Variants in NXPE2 observed in about 807,000 individuals in gnomAD.
NXPE2 encodes the protein NXPE family member 2.
A neutral mutation model predicts 34.4 loss-of-function variants in NXPE2; 34 were observed. The ratio of observed to expected loss-of-function variants is 0.99; its 90% confidence interval spans 0.75 to 1.31. The LOEUF is 1.31. Among genes scored for constraint, NXPE2 ranks in the 40% most tolerant of loss-of-function variants. NXPE2 has a pLI of 0.00. For missense variants in NXPE2, 649 were observed against 672.5 expected (o/e 0.97, Z 0.39); for synonymous variants, 235 against 231.3 (o/e 1.02, Z -0.15).
At chr11:114,622,870 C>A in the NXPE2 span, among the ~76,000 whole-genome samples, 1 of 150,980 alleles carries the variant, frequency 6.6e-6, no homozygotes, top group East Asian at 2.0e-4. Flanking sequence ...CACTGTTAAC[C>A]AGTTGATAAT....
chr11:114,525,052 C>T, the NXPE2 span, among the ~76,000 whole-genome samples: 1 of 152,124 alleles, frequency 6.6e-6, no homozygotes, highest in East Asian at 1.9e-4. Context: ...TTGTCCTGTA[C>T]ATCCCATCTG....
chr11:114,747,077 A>G, the NXPE2 span, among the ~76,000 whole-genome samples: 40 of 152,100 alleles, frequency 2.6e-4, no homozygotes, highest in Admixed American at 6.6e-4. Context: ...TTTGATCTCT[A>G]ATCAGATACT....
chr11:114,496,994 A>G, the NXPE2 span, among the ~76,000 whole-genome samples: 1 of 152,206 alleles, frequency 6.6e-6, no homozygotes, highest in African/African-American at 2.4e-5. Flanking sequence ...TTATGTATTT[A>G]CTATATGATA....
chr11:114,671,444 A>G, the NXPE2 span, among the ~76,000 whole-genome samples: 1 of 152,082 alleles, frequency 6.6e-6, no homozygotes, highest in South Asian at 2.1e-4. Flanking sequence ...GATACTTAAT[A>G]AAGTACAAGT....
the NXPE2 span, among the ~76,000 whole-genome samples, chr11:114,736,167 T>G: frequency 6.6e-6 from 1 of 152,172 alleles, no homozygotes. Context: ...AAATTGCTAA[T>G]GAAGTTTTTG....
the NXPE2 span, among the ~76,000 whole-genome samples, chr11:114,569,395 A>G: frequency 6.6e-6 from 1 of 152,238 alleles, no homozygotes; most frequent in Non-Finnish European, 1.5e-5. Context: ...TCTACTTAAT[A>G]GCTTTCAGAC....
intron 2 of NXPE2, among the ~76,000 whole-genome samples, chr11:114,696,853 G>A (rs774725763): frequency 3.9e-5 from 6 of 152,072 alleles, no homozygotes; most frequent in Non-Finnish European, 8.8e-5. Flanking sequence ...AGACCCCAGT[G>A]GATGCCTGAA....
the NXPE2 span, among the ~76,000 whole-genome samples, chr11:114,598,745 G>A: frequency 1.3e-5 from 2 of 152,064 alleles, no homozygotes; most frequent in East Asian, 1.9e-4. Flanking sequence ...ACAGGGCCCC[G>A]GGCCTGGCTC....
At chr11:114,599,318 C>A in the NXPE2 span, among the ~76,000 whole-genome samples, 1 of 152,160 alleles carries the variant, frequency 6.6e-6, no homozygotes, top group African/African-American at 2.4e-5. Context: ...ACTTCATTGT[C>A]CATATCACTA....
the NXPE2 span, among the ~76,000 whole-genome samples, chr11:114,797,025 G>A: frequency 8.5e-5 from 13 of 152,218 alleles, no homozygotes; most frequent in Non-Finnish European, 1.6e-4. Context: ...TGTGTTAATA[G>A]GGATCCGTGT....
the NXPE2 span, among the ~76,000 whole-genome samples, chr11:114,497,203 C>T: frequency 6.6e-6 from 1 of 151,714 alleles, no homozygotes; most frequent in Admixed American, 6.6e-5. Flanking sequence ...CTGTGTAGGC[C>T]TAGAGTAATG....
At chr11:114,736,678 AC>A in the NXPE2 span, among the ~76,000 whole-genome samples, 19,531 of 152,102 alleles carry the variant, frequency 0.13, 1,569 homozygotes, top group African/African-American at 0.23. Context: ...GGATTAAGAG[AC>A]TAAAGTAAAG....
At chr11:114,806,139 C>G in the NXPE2 span, among the ~76,000 whole-genome samples, 1 of 152,218 alleles carries the variant, frequency 6.6e-6, no homozygotes, top group Non-Finnish European at 1.5e-5. Flanking sequence ...AGGGTCCTGT[C>G]TGTTAGAAGG....
chr11:114,787,620 G>A, the NXPE2 span, among the ~76,000 whole-genome samples: 5 of 152,180 alleles, frequency 3.3e-5, no homozygotes, highest in Non-Finnish European at 5.9e-5. Flanking sequence ...GAGTTGGAGA[G>A]AGGAGGGACT....
the NXPE2 span, among the ~76,000 whole-genome samples, chr11:114,505,275 G>C: frequency 6.6e-6 from 1 of 152,160 alleles, no homozygotes; most frequent in Admixed American, 6.5e-5. Flanking sequence ...GAAATGGGGA[G>C]AATGGAACCC....
chr11:114,639,723 GTAATA>G, the NXPE2 span, among the ~76,000 whole-genome samples: 10 of 114,390 alleles, frequency 8.7e-5, no homozygotes, highest in Middle Eastern at 7.8e-3. Context: ...ATATAATATA[GTAATA>G]TAATATAAAA....
chr11:114,712,226 G>A, the NXPE2 span, among the ~76,000 whole-genome samples: 2 of 152,138 alleles, frequency 1.3e-5, no homozygotes, highest in South Asian at 4.1e-4. Flanking sequence ...AAAGGATTTA[G>A]GACAGTAATT....
At chr11:114,742,265 G>A in the NXPE2 span, among the ~76,000 whole-genome samples, 1 of 152,170 alleles carries the variant, frequency 6.6e-6, no homozygotes, top group African/African-American at 2.4e-5. Flanking sequence ...TCCTGGGCTA[G>A]TTGTTGTTGT....
chr11:114,573,492 C>A, the NXPE2 span, among the ~76,000 whole-genome samples: 2 of 151,872 alleles, frequency 1.3e-5, no homozygotes, highest in Non-Finnish European at 2.9e-5. Flanking sequence ...CATAAGAACT[C>A]ACATAAACTT....
Sources: allele counts gnomAD v4.1 joint callset (sites outside exome capture counted in the v4.1 genomes callset), GRCh38; gene constraint gnomAD v4.1.1; transcripts MANE v1.5; gene names NCBI Gene and HGNC (gene_info 2026-07-23, HGNC 2026-07-21).